The following ATP2B2 variants were observed in gnomAD, a reference collection of about 807,000 sequenced individuals.
ATP2B2 encodes the protein ATPase plasma membrane Ca2+ transporting 2.
In ATP2B2, 15 loss-of-function variants were observed where a neutral mutation model predicts 120.0. That is an observed-to-expected ratio of 0.12 (90% confidence interval 0.08 to 0.19). The LOEUF is 0.19. ATP2B2 is among the 10% of genes least tolerant of loss of function. ATP2B2 has a pLI of 1.00. For synonymous variants in ATP2B2, 694 were observed against 700.3 expected (o/e 0.99, Z 0.14); for missense variants, 1,045 against 1,719.8 (o/e 0.61, Z 6.94).
At chr3:10,357,000 G>A (rs1465754994) in intron 14 of ATP2B2, among the ~76,000 whole-genome samples, 7 of 150,744 alleles carry the variant, frequency 4.6e-5, no homozygotes. Context: ...AGAGAGAGGA[G>A]CACTAGGCAT....
intron 1 of ATP2B2, among the ~76,000 whole-genome samples, chr3:10,624,584 A>G (rs989588362): frequency 2.6e-5 from 4 of 152,212 alleles, no homozygotes; most frequent in African/African-American, 9.7e-5. Flanking sequence ...TTAAGTATTT[A>G]GCAAGCAGCA....
rs142799327 is a variant in ATP2B2 at position 10,338,242 on chromosome 3, G to A, written c.3354C>T (p.His1118=). The A allele has an allele frequency of 1.7e-3, 2,666 of 1,614,166 alleles. 42 individuals carry two copies. In the African/African-American group the frequency reaches 0.03, roughly 18 times the overall value. ...GGCCCCGCCGCAGCTCCCGCTCCGC[G>A]TGGTCGATCTCCTCCACGTCCTCGT... ...ELNEDVEEID[H]AERELRRGQI... is the part of the protein sequence containing the mutation. Residue 1118 remains histidine (H), a synonymous_variant, in exon 22 of 23, where the codon CAC becomes CAT. Transcript: ENST00000360273.
intron 1 of ATP2B2, among the ~76,000 whole-genome samples, chr3:10,705,109 T>C (rs7633994): frequency 0.29 from 43,900 of 152,060 alleles, 7,185 homozygotes; most frequent in African/African-American, 0.44. Flanking sequence ...GTCCATAGTA[T>C]GGACTGGGTT....
In ATP2B2 at chr3:10,350,119, C is replaced by G. The variant is rs367802082; in HGVS notation, c.2397G>C (p.Leu799=). 2.8e-5 allele frequency: 45 copies of G among 1,613,746 alleles called. No homozygotes were observed. The highest frequency in any genetic ancestry group is 3.7e-5 in the Non-Finnish European group (44 of 1,180,012). Reference sequence around the variant, plus strand: ...TGCCCGCCCAAGTCTTACCTTTAACCAGGGTATGCTTGTCCGTTGGGGAGG... The same window carrying G: ...TGCCCGCCCAAGTCTTACCTTTAACGAGGGTATGCTTGTCCGTTGGGGAGG... ...ARSSPTDKHT[L]VKGIIDSTHT... is the part of the protein sequence containing the mutation. The change falls in exon 16 of 23, where the codon CTG becomes CTC. Residue 799 remains leucine (L), a synonymous_variant. Transcript: ENST00000360273.
chr3:10,378,192 G>A, intron 10 of ATP2B2, 60 bp downstream of exon 10: 2 of 1,581,072 alleles, frequency 1.3e-6, no homozygotes, highest in Admixed American at 1.7e-5. Flanking sequence ...GCATGGGGCA[G>A]GGCTCTGCCT....
At chr3:10,620,006 T>C (rs2069501722) in intron 1 of ATP2B2, 1 of 152,338 alleles carries the variant, frequency 6.6e-6, no homozygotes, top group Admixed American at 6.5e-5. Context: ...GGGGCTTGTA[T>C]TTTCCAAGTC....
In ATP2B2 at chr3:10,408,713, C is replaced by T. The variant is rs74615252; in HGVS notation, c.397+1905G>A. 4.3e-3 allele frequency among the ~76,000 whole-genome samples: 656 copies of T among 152,290 alleles called. 6 individuals carry two copies. Among genetic ancestry groups the T allele is most frequent in the African/African-American group, 0.015 (613 of 41,552 alleles). ...TTTCTGAATCTCTAAGATGGAACAT[C>T]GCAGCCATCTGTCTAGAGGGTGAGA... is the stretch of plus-strand genomic sequence containing the variant. On this transcript the variant is annotated intron_variant, in intron 3 of 22. Transcript: ENST00000360273.
intron 22 of ATP2B2, among the ~76,000 whole-genome samples, chr3:10,337,543 C>G (rs961523879): frequency 1.3e-5 from 2 of 152,138 alleles, no homozygotes; most frequent in African/African-American, 4.8e-5. Flanking sequence ...TCGTGTGCCA[C>G]GTGGCAGCCA....
chr3:10,609,390 G>A (rs901504363), intron 2 of ATP2B2, among the ~76,000 whole-genome samples: 15 of 152,224 alleles, frequency 9.9e-5, no homozygotes, highest in African/African-American at 2.9e-4. Context: ...TCTGGCAGCC[G>A]CAAGGAGCCT....
At chr3:10,479,648 G>A (rs933313845) in intron 1 of ATP2B2, among the ~76,000 whole-genome samples, 14 of 152,120 alleles carry the variant, frequency 9.2e-5, no homozygotes, top group Non-Finnish European at 1.8e-4. Context: ...TATACTTACT[G>A]TCTGTCTCCT....
intron 2 of ATP2B2, among the ~76,000 whole-genome samples, chr3:10,615,020 T>A (rs1447302250): frequency 6.6e-6 from 1 of 152,064 alleles, no homozygotes; most frequent in Non-Finnish European, 1.5e-5. Context: ...TTCTACCCTG[T>A]GAGTAGAGTG....
chr3:10,694,959 T>G, intron 1 of ATP2B2, among the ~76,000 whole-genome samples: 1 of 151,970 alleles, frequency 6.6e-6, no homozygotes, highest in Non-Finnish European at 1.5e-5. Flanking sequence ...ATTTCCAGTG[T>G]GATGTTGTGG....
intron 1 of ATP2B2, among the ~76,000 whole-genome samples, chr3:10,649,568 C>T (rs114668611): frequency 0.013 from 2,008 of 152,266 alleles, 40 homozygotes; most frequent in African/African-American, 0.045. Context: ...AGTTAACTCC[C>T]ATTCTCTCTG....
At chr3:10,352,716 G>A (rs1345351342) in intron 14 of ATP2B2, among the ~76,000 whole-genome samples, 1 of 152,214 alleles carries the variant, frequency 6.6e-6, no homozygotes, top group East Asian at 1.9e-4. Flanking sequence ...TGGAGGGAGT[G>A]GGAATGTGGA....
intron 1 of ATP2B2, among the ~76,000 whole-genome samples, chr3:10,672,203 G>A (rs996164218): frequency 1.3e-5 from 2 of 152,114 alleles, no homozygotes; most frequent in Non-Finnish European, 2.9e-5. Context: ...CAAACAAGAT[G>A]CCCAAAACAC....
rs187879637 is a variant in ATP2B2 at position 10,466,934 on chromosome 3, G to T, written c.-319-17072C>A. ...GAGCAGAGCATGCGGCCCCACAGCT[G>T]GTCACACCCACCATGGGTGGGTAGG... On this transcript the variant is annotated intron_variant, in intron 1 of 22. Coordinates refer to ENST00000360273, the MANE Select transcript of ATP2B2 (RefSeq NM_001001331.4). Among the ~76,000 whole-genome samples the T allele has an allele frequency of 3.8e-3, 582 of 152,326 alleles. 2 individuals are homozygous for T. Among genetic ancestry groups the T allele is most frequent in the Non-Finnish European group, 6.3e-3 (429 of 68,024 alleles).
intron 22 of ATP2B2, among the ~76,000 whole-genome samples, chr3:10,337,153 T>A (rs1296122429): frequency 6.6e-6 from 1 of 152,056 alleles, no homozygotes; most frequent in Non-Finnish European, 1.5e-5. Flanking sequence ...CCTCTAAAAC[T>A]GGGGGAGTCA....
chr3:10,423,882 G>T (rs1466079699), intron 2 of ATP2B2, among the ~76,000 whole-genome samples: 1 of 152,222 alleles, frequency 6.6e-6, no homozygotes, highest in Non-Finnish European at 1.5e-5. Context: ...GTAGATGAAA[G>T]AAAGTGCAAA....
intron 2 of ATP2B2, among the ~76,000 whole-genome samples, chr3:10,597,543 G>C (rs979314951): frequency 1.7e-4 from 26 of 152,182 alleles, no homozygotes; most frequent in African/African-American, 5.8e-4. Flanking sequence ...ACGAGTAACT[G>C]GCCATCAAGC....
Sources: allele counts gnomAD v4.1 joint callset (sites outside exome capture counted in the v4.1 genomes callset), GRCh38; gene constraint gnomAD v4.1.1; transcripts MANE v1.5; gene names NCBI Gene and HGNC (gene_info 2026-07-23, HGNC 2026-07-21).